TSPAN1: variants seen among roughly 807,000 people sequenced by gnomAD.
TSPAN1 encodes the protein tetraspanin 1.
Under a neutral mutation model 26.9 loss-of-function variants are expected in TSPAN1, and 23 were observed. The ratio of observed to expected loss-of-function variants is 0.85; its 90% CI spans 0.62 to 1.21. The LOEUF (loss-of-function observed/expected upper bound fraction) is 1.21, where lower values mean the gene tolerates loss of function less well. Among genes scored for constraint, TSPAN1 ranks in the 50% most tolerant of loss-of-function variants. TSPAN1 has a pLI of 0.00. For missense variants in TSPAN1, 283 were observed against 298.4 expected (o/e 0.95, Z 0.38); for synonymous variants, 115 against 114.8 (o/e 1.00, Z -0.01).
At chr1:46,189,220 C>T, downstream of TSPAN1, 2 of 1,576,702 alleles carry the variant, frequency 1.3e-6, no homozygotes, top group Non-Finnish European at 1.7e-6. Context: ...GAAGGGCTAG[C>T]CAGCCTGGGG....
chr1:46,194,980 C>G, the TSPAN1 span: 1 of 1,611,828 alleles, frequency 6.2e-7, no homozygotes, highest in Non-Finnish European at 8.5e-7. Flanking sequence ...CCAGAGAAGG[C>G]AGTTAGCCTG....
chr1:46,176,925 A>G (rs1375033948), intron 1 of TSPAN1, among the ~76,000 whole-genome samples: 5 of 152,242 alleles, frequency 3.3e-5, no homozygotes, highest in African/African-American at 1.2e-4. Flanking sequence ...CACAAACACT[A>G]AATACTGAAC....
At chr1:46,188,547 G>C (rs1229522425), downstream of TSPAN1, 2 of 1,201,534 alleles carry the variant, frequency 1.7e-6, no homozygotes, top group Non-Finnish European at 2.2e-6. Flanking sequence ...GGCATCCCCT[G>C]GTGGCCAAAT....
At position 46,185,474 on chromosome 1, in the gene TSPAN1, C is replaced by T. The variant is rs1363840718; in HGVS notation, c.679-12C>T. 1 of 1,614,152 alleles carries T rather than the reference C, an allele frequency of 6.2e-7. No individual in the cohort carries two copies. Among genetic ancestry groups the T allele is most frequent in the African/African-American group, 1.3e-5 (1 of 75,042 alleles). ...CATGTTCCCTCATCTCTCCCTGTTC[C>T]TCCCTCTCCAGCTGGCTGCCATGAT... On this transcript the variant is annotated splice_polypyrimidine_tract_variant and intron_variant, in intron 8 of 8. Coordinates refer to ENST00000372003, the MANE Select transcript of TSPAN1 (RefSeq NM_005727.4).
downstream of TSPAN1, among the ~76,000 whole-genome samples, chr1:46,188,313 C>A (rs1438034620): frequency 3.3e-5 from 5 of 152,182 alleles, no homozygotes; most frequent in African/African-American, 1.2e-4. Flanking sequence ...CTATGCACAC[C>A]TGCTCTCTCA....
the TSPAN1 span, chr1:46,191,586 T>C: frequency 2.6e-5 from 6 of 228,764 alleles, 1 homozygote; most frequent in Admixed American, 3.1e-4. Context: ...TTTACATATA[T>C]TGACTCATTT....
rs1459598233 is a variant in TSPAN1, at chr1:46,175,428, C to G, written c.-142+19C>G. ...TTTCCCTGTAAGTATTCAGCCATAA[C>G]CCTCCCCTCACGCCCTGCATAGTCA... On this transcript the variant is annotated intron_variant, in intron 1 of 8. Transcript: ENST00000372003. 7.6e-6 allele frequency: 3 copies of G among 393,928 alleles called. No individual in the cohort carries two copies. Among genetic ancestry groups the G allele is most frequent in the South Asian group, 1.4e-4 (1 of 7,118 alleles). 24.4% of individuals were successfully genotyped at this position (393,928 alleles called of 1,614,324 possible).
rs1320619372 is a variant in TSPAN1 at position 46,185,032 on chromosome 1, C to T, written c.511C>T (p.Pro171Ser). ...CTACTTCAAAGAGAACAGTGCCTTT[C>T]CCCCATTCTGTTGCAATGACAACGT... ...SPYFKENSAFPPFCCNDNVTN... is the reference protein window; with the variant it reads ...SPYFKENSAFSPFCCNDNVTN... Residue 171 changes from proline (P) to serine (S), a missense_variant, in exon 7 of 9, where the codon CCC (proline) becomes TCC (serine). Transcript: ENST00000372003. 6.2e-7 allele frequency: 1 copy of T among 1,614,146 alleles called. No homozygotes were observed. The highest frequency in any genetic ancestry group is 8.5e-7 in the Non-Finnish European group (1 of 1,180,004).
chr1:46,184,533 G>C, intron 4 of TSPAN1, 61 bp from the exon 5 acceptor site: 3 of 1,605,192 alleles, frequency 1.9e-6, no homozygotes, highest in Admixed American at 3.3e-5. Context: ...GGGGGGATTA[G>C]GGCAAGGAGG....
the TSPAN1 span, chr1:46,195,833 C>A: frequency 6.2e-7 from 1 of 1,601,332 alleles, no homozygotes; most frequent in South Asian, 1.1e-5. Flanking sequence ...GATGAGCACT[C>A]GGCCGGGCGC....
chr1:46,193,645 G>C, the TSPAN1 span: 1 of 1,614,156 alleles, frequency 6.2e-7, no homozygotes, highest in Non-Finnish European at 8.5e-7. Flanking sequence ...GCATCCTGGG[G>C]AGCCCAGGGA....
chr1:46,179,541 G>A (rs751971746), intron 1 of TSPAN1, among the ~76,000 whole-genome samples: 1 of 152,178 alleles, frequency 6.6e-6, no homozygotes, highest in Admixed American at 6.5e-5. Flanking sequence ...CAGTTCATAA[G>A]CGACAGAGCC....
At chr1:46,190,477 G>A (rs747147491), downstream of TSPAN1, 5 of 1,600,048 alleles carry the variant, frequency 3.1e-6, no homozygotes, top group East Asian at 8.9e-5. Flanking sequence ...CCATACCTGA[G>A]CAGCCTGTGA....
intron 3 of TSPAN1, among the ~76,000 whole-genome samples, chr1:46,182,654 G>A (rs1657339745): frequency 6.6e-6 from 1 of 152,174 alleles, no homozygotes; most frequent in South Asian, 2.1e-4. Flanking sequence ...AGGTTGCAGT[G>A]AGCCAAGATC....
rs12080689 is a variant in TSPAN1, at chr1:46,184,527, G to T, written c.265-67G>T. On this transcript the variant is annotated intron_variant, in intron 4 of 8. Transcript: ENST00000372003. ...CTTCTGTCTCACTTTTCCGGGGGGGGGATTAGGGCAAGGAGGGCATGAGGG... is the reference window on the plus strand; with the variant it reads ...CTTCTGTCTCACTTTTCCGGGGGGGTGATTAGGGCAAGGAGGGCATGAGGG... 37 of 1,605,436 alleles carry T rather than the reference G, an allele frequency of 2.3e-5. No homozygotes were observed. In the African/African-American group the frequency reaches 2.7e-4, roughly 12 times the overall value.
intron 4 of TSPAN1, 64 bp downstream of exon 4, chr1:46,184,461 T>C: frequency 6.2e-7 from 1 of 1,610,468 alleles, no homozygotes; most frequent in Non-Finnish European, 8.5e-7. Context: ...CACCAGGCCC[T>C]GGGATTCCCA....
chr1:46,176,122 G>C lies in TSPAN1; in HGVS notation c.-142+713G>C, dbSNP rs539460433. Reference sequence around the variant, plus strand: ...GATCTCCTGACCTTGTGATCTGCCCGCCTTGGCCTCCCAAAGTGCCGGGAT... The same window carrying C: ...GATCTCCTGACCTTGTGATCTGCCCCCCTTGGCCTCCCAAAGTGCCGGGAT... On this transcript the variant is annotated intron_variant, in intron 1 of 8. Coordinates refer to ENST00000372003, the MANE Select transcript of TSPAN1 (RefSeq NM_005727.4). 1.8e-5 allele frequency: 23 copies of C among 1,273,704 alleles called. No individual in the cohort carries two copies. In the South Asian group the frequency reaches 2.2e-4, roughly 12 times the overall value. 78.9% of individuals were successfully genotyped at this position (1,273,704 alleles called of 1,614,324 possible). A position where few individuals can be genotyped will look rare whatever the true frequency, so the allele number is the denominator to read the frequency against.
intron 7 of TSPAN1, 30 bp downstream of exon 7, chr1:46,185,145 G>T (rs754308931): frequency 6.2e-7 from 1 of 1,614,080 alleles, no homozygotes; most frequent in Non-Finnish European, 8.5e-7. Context: ...GGTGGGGACT[G>T]TTTTCATGGC....
the TSPAN1 span, chr1:46,192,616 C>T: frequency 1.9e-6 from 3 of 1,612,670 alleles, no homozygotes; most frequent in Non-Finnish European, 2.5e-6. Context: ...TCAAAGAGTT[C>T]AGGGAGGGAC....
Sources: allele counts gnomAD v4.1 joint callset (sites outside exome capture counted in the v4.1 genomes callset), GRCh38; gene constraint gnomAD v4.1.1; transcripts MANE v1.5; gene names NCBI Gene and HGNC (gene_info 2026-07-23, HGNC 2026-07-21).